The following SPATA6 variants were observed in gnomAD, a reference collection of about 807,000 sequenced individuals.
The protein encoded by SPATA6 is spermatogenesis-associated protein 6.
In SPATA6, 56 loss-of-function variants were observed where a neutral mutation model predicts 65.3. The ratio of observed to expected loss-of-function variants is 0.86; its 90% CI spans 0.69 to 1.07. SPATA6 has a LOEUF of 1.07. SPATA6 is among the 50% of genes least tolerant of loss of function. The pLI is 0.00. For synonymous variants in SPATA6, 199 were observed against 213.2 expected, an observed-to-expected ratio of 0.93 and a Z score of 0.58; for missense variants, 590 against 594.8, an observed-to-expected ratio of 0.99 and a Z score of 0.08.
chr1:48,331,719 A>C (rs1409072939), intron 11 of SPATA6, among the ~76,000 whole-genome samples: 2 of 149,422 alleles, frequency 1.3e-5, no homozygotes, highest in Non-Finnish European at 1.5e-5. Flanking sequence ...CAGGAAATGC[A>C]AAGAATTCCT....
chr1:48,266,871 G>A, the SPATA6 span, among the ~76,000 whole-genome samples: 3 of 152,132 alleles, frequency 2.0e-5, no homozygotes, highest in Non-Finnish European at 4.4e-5. Flanking sequence ...GTGAGCCACT[G>A]CTGGACCACA....
chr1:48,403,803 T>C lies in SPATA6; in HGVS notation c.485A>G (p.Gln162Arg). 6.2e-7 allele frequency: 1 copy of C among 1,600,492 alleles called. No individual in the cohort carries two copies. ...ATACTTTATACAAATAATTTTAACC[T>C]GAGTGTGGCATTTCCTTGAACTTAT... ...CLISSRKCHT[Q>R]DKFIYHLAPV... Residue 162 changes from glutamine to arginine, a missense_variant and splice_region_variant, in exon 6 of 13, where the codon CAG becomes CGG. Physicochemically the swap from Gln to Arg is conservative, Grantham distance 43. Coordinates refer to ENST00000371847, the MANE Select transcript of SPATA6 (RefSeq NM_019073.4).
Position 48,399,278 on chromosome 1 carries a change from T to C in SPATA6, c.780+73A>G, listed in dbSNP as rs1570449717. 15 of 1,482,046 alleles carry C rather than the reference T, an allele frequency of 1.0e-5. No homozygotes were observed. The East Asian group carries it at 3.4e-4, about 34-fold the overall frequency. The allele number at this position is 1,482,046 out of a possible 1,614,324, so 91.8% of individuals were successfully genotyped here. A position where few individuals can be genotyped will look rare whatever the true frequency, so the allele number is the denominator to read the frequency against. On this transcript the variant is annotated intron_variant, in intron 7 of 12. Transcript: ENST00000371847. ...TTAATATAAGCTAGAAGTTGAAAGA[T>C]ATTTCAGAATAACAGTTTTTTTGGG...
the SPATA6 span, among the ~76,000 whole-genome samples, chr1:48,278,364 TC>T: frequency 2.0e-5 from 3 of 152,166 alleles, no homozygotes; most frequent in African/African-American, 7.2e-5. Flanking sequence ...GAAGAAGGCT[TC>T]AGACGATCAA....
chr1:48,316,652 CA>C (rs1553145431), intron 11 of SPATA6, among the ~76,000 whole-genome samples: 1 of 152,164 alleles, frequency 6.6e-6, no homozygotes, highest in Non-Finnish European at 1.5e-5. Flanking sequence ...ACACCAAAAG[CA>C]GTGGCAACAA....
intron 3 of SPATA6, chr1:48,437,014 T>G: frequency 6.2e-7 from 1 of 1,609,070 alleles, no homozygotes. Flanking sequence ...ACAGCTCTGT[T>G]TGCAACAAGA....
At chr1:48,348,638 A>T in intron 11 of SPATA6, among the ~76,000 whole-genome samples, 1 of 151,978 alleles carries the variant, frequency 6.6e-6, no homozygotes, top group East Asian at 1.9e-4. Context: ...GGTCTTTTAG[A>T]AACCAAGATC....
chr1:48,439,698 C>G (rs111759273), intron 3 of SPATA6, among the ~76,000 whole-genome samples: 1 of 152,132 alleles, frequency 6.6e-6, no homozygotes, highest in South Asian at 2.1e-4. Context: ...AACACTCAGG[C>G]ATTAACAGGC....
At chr1:48,421,481 T>C (rs977016187) in intron 3 of SPATA6, among the ~76,000 whole-genome samples, 19 of 152,156 alleles carry the variant, frequency 1.2e-4, no homozygotes, top group Non-Finnish European at 4.4e-5. Context: ...ACCAGTAGTA[T>C]TATAAGCCAC....
At position 48,295,812 on chromosome 1, in the gene SPATA6, G is replaced by T. The variant is rs1644803663; in HGVS notation, c.*2901C>A. Reference sequence around the variant, plus strand: ...TTTTTCATCAGGGGCTTAATCTTTGGAAATCAGAAAACAACTCTGCCTGCC... The same window carrying T: ...TTTTTCATCAGGGGCTTAATCTTTGTAAATCAGAAAACAACTCTGCCTGCC... On this transcript the variant is annotated 3_prime_UTR_variant, in exon 13 of 13. Transcript: ENST00000371847. 1.3e-5 allele frequency: 2 copies of T among 151,962 alleles called. No homozygotes were observed. Among genetic ancestry groups the T allele is most frequent in the African/African-American group, 4.8e-5 (2 of 41,402 alleles). 9.4% of individuals were successfully genotyped at this position (151,962 alleles called of 1,614,324 possible). A position where few individuals can be genotyped will look rare whatever the true frequency, so the allele number is the denominator to read the frequency against.
chr1:48,437,791 G>T (rs916371554), intron 3 of SPATA6, among the ~76,000 whole-genome samples: 23 of 129,806 alleles, frequency 1.8e-4, no homozygotes, highest in African/African-American at 5.7e-4. Context: ...ATTGTAATTT[G>T]CTTTTTTTTA....
intron 3 of SPATA6, among the ~76,000 whole-genome samples, chr1:48,445,152 T>C (rs556713957): frequency 5.7e-4 from 87 of 152,226 alleles, no homozygotes; most frequent in Non-Finnish European, 1.1e-3. Context: ...CTTGAAATTC[T>C]TCTCTTTGCT....
At chr1:48,289,371 A>G in the SPATA6 span, among the ~76,000 whole-genome samples, 1 of 152,356 alleles carries the variant, frequency 6.6e-6, no homozygotes, top group South Asian at 2.1e-4. Context: ...GACCAAAGGT[A>G]GATAAAACCA....
chr1:48,336,018 G>C (rs897828708), intron 11 of SPATA6, among the ~76,000 whole-genome samples: 1 of 151,948 alleles, frequency 6.6e-6, no homozygotes, highest in African/African-American at 2.4e-5. Flanking sequence ...GCACCAAAAA[G>C]CATATGAAAA....
intron 3 of SPATA6, among the ~76,000 whole-genome samples, chr1:48,428,775 ATGTGTG>A (rs59651745): frequency 0.012 from 1,542 of 133,556 alleles, 31 homozygotes; most frequent in African/African-American, 0.041. Context: ...AGGTGTATAT[ATGTGTG>A]TGTGTGTGTG....
At position 48,418,787 on chromosome 1, in the gene SPATA6, GGGAAGGAA is replaced by G. The variant is rs1287639238; in HGVS notation, c.239-5644_239-5637del. Among the ~76,000 whole-genome samples, 6 of 121,344 alleles carry G rather than the reference GGGAAGGAA, an allele frequency of 4.9e-5. No individual in the cohort carries two copies. The East Asian group carries it at 1.6e-3, about 32-fold the overall frequency. The allele number at this position is 121,344 out of a possible 152,430, so 79.6% of individuals were successfully genotyped here. A position where few individuals can be genotyped will look rare whatever the true frequency, so the allele number is the denominator to read the frequency against. ...AAGGAAGAAGGGAAGGAAGGAAGAA[GGGAAGGAA>G]GGAAGGAGGGAAGGAGGGAAGGAGG... is the stretch of plus-strand genomic sequence containing the variant. On this transcript the variant is annotated intron_variant, in intron 3 of 12. Coordinates refer to ENST00000371847, the MANE Select transcript of SPATA6 (RefSeq NM_019073.4).
the SPATA6 span, among the ~76,000 whole-genome samples, chr1:48,282,687 G>A: frequency 2.6e-5 from 4 of 152,138 alleles, no homozygotes; most frequent in Admixed American, 6.5e-5. Flanking sequence ...GAAACAACAG[G>A]TGCTGGAGAG....
At chr1:48,367,978 T>G (rs1647084936) in intron 9 of SPATA6, among the ~76,000 whole-genome samples, 1 of 152,224 alleles carries the variant, frequency 6.6e-6, no homozygotes, top group African/African-American at 2.4e-5. Flanking sequence ...GGAGCTCTTT[T>G]AGGGCAGGCG....
intron 2 of SPATA6, among the ~76,000 whole-genome samples, chr1:48,451,964 T>C (rs1656610840): frequency 6.6e-6 from 1 of 152,206 alleles, no homozygotes. Context: ...AGTCTCATAA[T>C]TCAGGCTCAG....
Sources: allele counts gnomAD v4.1 joint callset (sites outside exome capture counted in the v4.1 genomes callset), GRCh38; gene constraint gnomAD v4.1.1; transcripts MANE v1.5; gene names NCBI Gene and HGNC (gene_info 2026-07-23, HGNC 2026-07-21).